Variants in KCNMA1 observed in about 807,000 individuals in gnomAD.
The protein encoded by KCNMA1 is potassium calcium-activated channel subfamily M alpha 1.
In KCNMA1, 29 loss-of-function variants were observed where a neutral mutation model predicts 140.0. The ratio of observed to expected loss-of-function variants is 0.21; its 90% CI spans 0.15 to 0.28. KCNMA1 has a LOEUF of 0.28. Among genes scored for constraint, KCNMA1 ranks in the 10% least tolerant of loss-of-function variants. The pLI is 1.00. For missense variants in KCNMA1, 880 were observed against 1,602.2 expected, an observed-to-expected ratio of 0.55 and a Z score of 7.70; for synonymous variants, 612 against 611.9, an observed-to-expected ratio of 1.00 and a Z score of 0.00.
chr10:77,013,033 C>T (rs2091206348), intron 17 of KCNMA1, among the ~76,000 whole-genome samples: 1 of 152,184 alleles, frequency 6.6e-6, no homozygotes, highest in Admixed American at 6.5e-5. Flanking sequence ...AAATCCCTGG[C>T]TTGTTGCCTT....
At chr10:76,953,684 A>G (rs1326790399) in intron 21 of KCNMA1, 117 bp downstream of exon 21, 1 of 1,286,028 alleles carries the variant, frequency 7.8e-7, no homozygotes, top group Non-Finnish European at 1.1e-6. Flanking sequence ...TCACTCATCA[A>G]AAATAATTAG....
At chr10:77,537,052 T>C (rs1407952226) in intron 1 of KCNMA1, among the ~76,000 whole-genome samples, 1 of 152,236 alleles carries the variant, frequency 6.6e-6, no homozygotes, top group South Asian at 2.1e-4. Flanking sequence ...CTTATTATTT[T>C]ATGTTCATAT....
At chr10:77,567,182 C>G (rs771573392) in intron 1 of KCNMA1, among the ~76,000 whole-genome samples, 11 of 152,208 alleles carry the variant, frequency 7.2e-5, no homozygotes, top group Non-Finnish European at 1.6e-4. Context: ...AGTTCAAGCT[C>G]AACGCAATGT....
intron 1 of KCNMA1, among the ~76,000 whole-genome samples, chr10:77,527,411 T>C (rs1301799755): frequency 6.6e-6 from 1 of 152,204 alleles, no homozygotes; most frequent in Non-Finnish European, 1.5e-5. Context: ...GCTTACACAA[T>C]GGCAGAGGAA....
intron 9 of KCNMA1, among the ~76,000 whole-genome samples, chr10:77,097,649 T>C (rs1173790949): frequency 2.6e-5 from 4 of 152,124 alleles, no homozygotes; most frequent in African/African-American, 7.2e-5. Flanking sequence ...AATGAGAGTG[T>C]GTATCAGTCC....
chr10:77,311,339 G>A (rs1020010120), intron 2 of KCNMA1, among the ~76,000 whole-genome samples: 2 of 152,182 alleles, frequency 1.3e-5, no homozygotes, highest in Non-Finnish European at 2.9e-5. Flanking sequence ...ACCACAGCCA[G>A]TTGGGGAGAG....
At chr10:77,119,368 T>C (rs142125559) in intron 6 of KCNMA1, among the ~76,000 whole-genome samples, 2 of 152,240 alleles carry the variant, frequency 1.3e-5, no homozygotes, top group East Asian at 1.9e-4. Context: ...CCCTAACATA[T>C]GATGTAATTG....
intron 1 of KCNMA1, among the ~76,000 whole-genome samples, chr10:77,524,846 G>T (rs1190614388): frequency 6.6e-6 from 1 of 152,174 alleles, no homozygotes; most frequent in African/African-American, 2.4e-5. Flanking sequence ...TTATGCGGGA[G>T]GGAAGAGGAG....
intron 5 of KCNMA1, among the ~76,000 whole-genome samples, chr10:77,134,490 G>A (rs540094166): frequency 2.0e-5 from 3 of 151,944 alleles, no homozygotes; most frequent in East Asian, 1.9e-4. Flanking sequence ...AAAAAAATGT[G>A]CACCATATAC....
chr10:76,994,271 A>G lies in KCNMA1; in HGVS notation c.2266+7136T>C, dbSNP rs1311377322. On this transcript the variant is annotated intron_variant, in intron 19 of 27. Transcript: ENST00000286628. ...CTCAACTGCAAACAGCAGTTACCAC[A>G]TAATAAGGGTTAAATTAATTAATAT... 2.6e-5 allele frequency among the ~76,000 whole-genome samples: 4 copies of G among 152,242 alleles called. No homozygotes were observed. The East Asian group carries it at 7.7e-4, about 29-fold the overall frequency.
chr10:77,126,294 T>C (rs1047968155), intron 5 of KCNMA1, among the ~76,000 whole-genome samples: 3 of 152,182 alleles, frequency 2.0e-5, no homozygotes, highest in Non-Finnish European at 4.4e-5. Flanking sequence ...GTGAGATTTT[T>C]ACAGTTTCAA....
intron 24 of KCNMA1, chr10:76,913,099 C>T (rs1423075563): frequency 6.6e-6 from 1 of 152,164 alleles, no homozygotes; most frequent in Non-Finnish European, 1.5e-5. Flanking sequence ...AGCCTGCTCC[C>T]TTATTTTGAA....
intron 1 of KCNMA1, among the ~76,000 whole-genome samples, chr10:77,618,055 C>T (rs1280088868): frequency 1.3e-5 from 2 of 152,136 alleles, no homozygotes; most frequent in African/African-American, 4.8e-5. Context: ...ATAACTACCC[C>T]TACAAAACTA....
At chr10:77,529,897 G>T (rs1045896269) in intron 1 of KCNMA1, among the ~76,000 whole-genome samples, 4 of 152,268 alleles carry the variant, frequency 2.6e-5, no homozygotes, top group African/African-American at 9.6e-5. Flanking sequence ...CTTCAAGGGA[G>T]CCAAGTACTA....
At chr10:77,329,900 A>G (rs1464236352) in intron 2 of KCNMA1, among the ~76,000 whole-genome samples, 1 of 152,234 alleles carries the variant, frequency 6.6e-6, no homozygotes, top group African/African-American at 2.4e-5. Context: ...TAAGGTTATT[A>G]TAAAAATTAA....
At chr10:77,414,191 C>A (rs1325597844) in intron 1 of KCNMA1, among the ~76,000 whole-genome samples, 1 of 152,154 alleles carries the variant, frequency 6.6e-6, no homozygotes, top group East Asian at 1.9e-4. Flanking sequence ...ACTGTCTGAC[C>A]CGGAGGCCTG....
At chr10:77,493,226 C>T (rs574289462) in intron 1 of KCNMA1, among the ~76,000 whole-genome samples, 6 of 152,374 alleles carry the variant, frequency 3.9e-5, no homozygotes, top group East Asian at 1.9e-4. Context: ...AAGGGCACCC[C>T]GGCTAATCAG....
intron 3 of KCNMA1, among the ~76,000 whole-genome samples, chr10:77,208,120 C>T (rs534441177): frequency 1.3e-5 from 2 of 152,354 alleles, no homozygotes; most frequent in East Asian, 3.9e-4. Flanking sequence ...CACACTGTTG[C>T]AAATCTGCGG....
At chr10:77,083,402 G>C (rs2096623020) in intron 12 of KCNMA1, among the ~76,000 whole-genome samples, 1 of 151,620 alleles carries the variant, frequency 6.6e-6, no homozygotes, top group Non-Finnish European at 1.5e-5. Flanking sequence ...AGAATAAGGT[G>C]CTGGTGTTGG....
Sources: allele counts gnomAD v4.1 joint callset (sites outside exome capture counted in the v4.1 genomes callset), GRCh38; gene constraint gnomAD v4.1.1; transcripts MANE v1.5; gene names NCBI Gene and HGNC (gene_info 2026-07-23, HGNC 2026-07-21).